ASIC2: variants seen among roughly 807,000 people sequenced by gnomAD.
The protein encoded by ASIC2 is acid-sensing ion channel 2.
ASIC2 carries 25 observed loss-of-function variants against 57.3 expected under a neutral mutation model. The ratio of observed to expected loss-of-function variants is 0.44; its 90% CI spans 0.32 to 0.61. The LOEUF (loss-of-function observed/expected upper bound fraction) is 0.61. Ranked by LOEUF, ASIC2 falls within the 20% of genes least tolerant of loss-of-function variation. The pLI is 0.06. For synonymous variants in ASIC2, 319 were observed against 307.5 expected (o/e 1.04, Z -0.39); for missense variants, 641 against 738.1 (o/e 0.87, Z 1.52).
intron 1 of ASIC2, among the ~76,000 whole-genome samples, chr17:33,153,960 C>T (rs1904897696): frequency 6.6e-6 from 1 of 152,186 alleles, no homozygotes; most frequent in Admixed American, 6.5e-5. Context: ...CACAGTTTGA[C>T]TTCTCCCCAC....
intron 1 of ASIC2, among the ~76,000 whole-genome samples, chr17:33,173,159 A>C (rs1905593294): frequency 1.3e-5 from 2 of 152,160 alleles, no homozygotes; most frequent in Non-Finnish European, 2.9e-5. Flanking sequence ...TGCTCTATAG[A>C]AGATGAGGCA....
chr17:33,204,673 T>C (rs1906995047), intron 1 of ASIC2, among the ~76,000 whole-genome samples: 3 of 152,188 alleles, frequency 2.0e-5, no homozygotes, highest in South Asian at 2.1e-4. Context: ...GTGACCCAAG[T>C]GAGGCCAATT....
intron 6 of ASIC2, 23 bp from the exon 7 acceptor site, chr17:33,021,333 C>G (rs755815636): frequency 2.0e-5 from 31 of 1,555,482 alleles, no homozygotes; most frequent in African/African-American, 2.7e-5. Flanking sequence ...TAGTCAGTAC[C>G]ATACATGGTT....
intron 3 of ASIC2, among the ~76,000 whole-genome samples, chr17:33,053,043 T>C (rs2141930342): frequency 6.6e-6 from 1 of 152,304 alleles, no homozygotes; most frequent in South Asian, 2.1e-4. Context: ...ACCGCCCAAA[T>C]GCCAACTGCA....
At chr17:33,220,534 T>C (rs1907650989) in intron 1 of ASIC2, among the ~76,000 whole-genome samples, 1 of 152,252 alleles carries the variant, frequency 6.6e-6, no homozygotes, top group Non-Finnish European at 1.5e-5. Flanking sequence ...TTATAGCATC[T>C]GTATGACCTT....
chr17:33,331,016 T>C (rs1907292121), intron 1 of ASIC2, among the ~76,000 whole-genome samples: 1 of 152,146 alleles, frequency 6.6e-6, no homozygotes, highest in East Asian at 1.9e-4. Flanking sequence ...TGAACCGGGC[T>C]GCACAGGAGG....
chr17:33,495,323 T>G (rs1009297521), intron 1 of ASIC2, among the ~76,000 whole-genome samples: 2 of 152,162 alleles, frequency 1.3e-5, no homozygotes, highest in Non-Finnish European at 1.5e-5. Context: ...TGGCCCCTGA[T>G]CATAACTGCT....
rs1912347756 is a variant in ASIC2 at position 33,809,099 on chromosome 17, T to C, written c.555+346879A>G. 2.0e-5 allele frequency among the ~76,000 whole-genome samples: 3 copies of C among 152,322 alleles called. No individual in the cohort carries two copies. In the South Asian group the frequency reaches 6.2e-4, roughly 32 times the overall value. On this transcript the variant is annotated intron_variant, in intron 1 of 9. Transcript: ENST00000359872. The stretch of plus-strand genomic sequence containing the variant: ...TGGCAGCCAAGGTCTTGAACTTCTC[T>C]TTTAATTAGACTTGGGACTGAGAGC...
At chr17:33,619,280 T>C (rs559958118) in intron 1 of ASIC2, among the ~76,000 whole-genome samples, 84 of 152,316 alleles carry the variant, frequency 5.5e-4, no homozygotes, top group African/African-American at 1.9e-3. Flanking sequence ...TTGTACTCAA[T>C]AATAATTTCA....
intron 1 of ASIC2, among the ~76,000 whole-genome samples, chr17:33,573,499 A>C (rs1429654373): frequency 1.3e-5 from 2 of 152,202 alleles, no homozygotes; most frequent in South Asian, 4.1e-4. Context: ...TGCTTCCAGC[A>C]CATGTGGGAA....
At chr17:33,421,730 T>C (rs1911051803) in intron 1 of ASIC2, among the ~76,000 whole-genome samples, 1 of 152,212 alleles carries the variant, frequency 6.6e-6, no homozygotes, top group Admixed American at 6.5e-5. Flanking sequence ...AGAATCCTCT[T>C]TGTTATGTCA....
chr17:34,012,331 T>C (rs1427863427), intron 1 of ASIC2, among the ~76,000 whole-genome samples: 1 of 152,198 alleles, frequency 6.6e-6, no homozygotes, highest in Non-Finnish European at 1.5e-5. Flanking sequence ...AGCATCTTTA[T>C]AGCCTATCTC....
chr17:33,686,142 C>G (rs1268341222), intron 1 of ASIC2, among the ~76,000 whole-genome samples: 5 of 152,268 alleles, frequency 3.3e-5, no homozygotes, highest in Non-Finnish European at 7.3e-5. Flanking sequence ...TTCTTAACAG[C>G]TGCAGCAGGG....
intron 1 of ASIC2, among the ~76,000 whole-genome samples, chr17:33,852,116 C>T (rs317411): frequency 0.3 from 45,781 of 152,142 alleles, 7,186 homozygotes; most frequent in East Asian, 0.48. Context: ...GCTAGACAGC[C>T]AGCAGGCTGT....
At chr17:34,152,915 T>C (rs749648005) in intron 1 of ASIC2, among the ~76,000 whole-genome samples, 34 of 148,228 alleles carry the variant, frequency 2.3e-4, no homozygotes, top group Non-Finnish European at 4.7e-4. Flanking sequence ...TGTCTTCTGC[T>C]TTTCCAGGAG....
At chr17:33,624,778 T>A (rs1905919340) in intron 1 of ASIC2, among the ~76,000 whole-genome samples, 1 of 152,224 alleles carries the variant, frequency 6.6e-6, no homozygotes, top group South Asian at 2.1e-4. Flanking sequence ...TGAAGATGGT[T>A]GCTTATCATA....
At chr17:33,303,625 C>T (rs1278094871) in intron 1 of ASIC2, among the ~76,000 whole-genome samples, 16 of 152,022 alleles carry the variant, frequency 1.1e-4, no homozygotes, top group Non-Finnish European at 1.5e-5. Context: ...TTTCCTTCTC[C>T]CTCTCACTTT....
At chr17:33,858,088 G>A (rs1337223255) in intron 1 of ASIC2, among the ~76,000 whole-genome samples, 2 of 152,198 alleles carry the variant, frequency 1.3e-5, no homozygotes, top group Non-Finnish European at 2.9e-5. Context: ...AATTCTCACA[G>A]GCAGGTGGAG....
chr17:33,755,393 T>C (rs923091575), intron 1 of ASIC2, among the ~76,000 whole-genome samples: 2 of 152,234 alleles, frequency 1.3e-5, no homozygotes. Flanking sequence ...TCTCAGTTCC[T>C]GATGTGTTAC....
Sources: gnomAD v4.1 joint callset for allele counts (sites outside exome capture counted in the v4.1 genomes callset) on GRCh38, gnomAD v4.1.1 for gene constraint, MANE v1.5 for transcripts, NCBI Gene and HGNC (gene_info 2026-07-23, HGNC 2026-07-21) for gene names.